Variants in GPC3 observed in about 807,000 individuals in gnomAD.
GPC3 encodes the protein glypican-3.
A neutral mutation model predicts 34.4 loss-of-function variants in GPC3; 3 were observed. The ratio of observed to expected loss-of-function variants is 0.09; its 90% CI spans 0.04 to 0.23. The LOEUF is 0.23. Ranked by LOEUF, GPC3 falls within the 10% of genes least tolerant of loss-of-function variation. GPC3 has a pLI of 1.00. For synonymous variants in GPC3, 177 were observed against 174.0 expected (o/e 1.02, Z -0.13); for missense variants, 351 against 445.6 (o/e 0.79, Z 1.91).
intron 3 of GPC3, among the ~76,000 whole-genome samples, chrX:133,752,238 T>C (rs954468843): frequency 8.9e-6 from 1 of 111,773 alleles, no homozygotes. Context: ...ATTTAGGTGA[T>C]AGATACCCCA....
intron 2 of GPC3, among the ~76,000 whole-genome samples, chrX:133,774,687 C>A (rs963580915): frequency 8.9e-6 from 1 of 111,793 alleles, no homozygotes; most frequent in African/African-American, 3.3e-5. Context: ...TTTATTCTCA[C>A]AATGGCTCTA....
intron 2 of GPC3, among the ~76,000 whole-genome samples, chrX:133,826,141 C>A (rs1204015286): frequency 9.0e-6 from 1 of 111,651 alleles, no homozygotes; most frequent in Non-Finnish European, 1.9e-5. Flanking sequence ...CGCAAAGAAA[C>A]AAGAAATTAT....
chrX:133,641,703 G>A (rs757409711), intron 6 of GPC3, among the ~76,000 whole-genome samples: 19 of 111,636 alleles, frequency 1.7e-4, no homozygotes, highest in Admixed American at 1.0e-3. Flanking sequence ...TTCCTGGACC[G>A]TGGGCATTAG....
At chrX:133,537,252 G>T (rs2069302092) in intron 7 of GPC3, among the ~76,000 whole-genome samples, 1 of 111,768 alleles carries the variant, frequency 8.9e-6, no homozygotes, top group Non-Finnish European at 1.9e-5. Flanking sequence ...AGACTCCGTT[G>T]CCAATGTTGC....
intron 1 of GPC3, among the ~76,000 whole-genome samples, chrX:133,983,245 G>A (rs761903068): frequency 8.9e-6 from 1 of 112,703 alleles, no homozygotes; most frequent in East Asian, 2.8e-4. Flanking sequence ...AGCAGGGAAC[G>A]TTGGGTTTAT....
Position 133,640,786 on chromosome X carries a change from G to A in GPC3, c.1413+20944C>T, listed in dbSNP as rs138417546. Among the ~76,000 whole-genome samples, 75 of 111,781 alleles carry A rather than the reference G, an allele frequency of 6.7e-4. No homozygotes were observed. The East Asian group carries it at 0.019, about 28-fold the overall frequency. Reference sequence around the variant, plus strand: ...TAGAACTATTTCAACCTCTTGTGCCGTCCTATCGCTTTCCAAAGAAAATTG... The same window carrying A: ...TAGAACTATTTCAACCTCTTGTGCCATCCTATCGCTTTCCAAAGAAAATTG... On this transcript the variant is annotated intron_variant, in intron 6 of 7. Transcript: ENST00000370818.
chrX:133,616,469 C>A (rs188010218), intron 6 of GPC3, among the ~76,000 whole-genome samples: 1,689 of 111,337 alleles, frequency 0.015, 31 homozygotes, highest in African/African-American at 0.05. Context: ...AGATTCAATA[C>A]AATTTCTATC....
intron 5 of GPC3, among the ~76,000 whole-genome samples, chrX:133,667,435 T>C (rs2070778859): frequency 8.9e-6 from 1 of 111,853 alleles, no homozygotes; most frequent in African/African-American, 3.2e-5. Context: ...TGTCCTTCCT[T>C]AAAGGTGCTT....
intron 2 of GPC3, among the ~76,000 whole-genome samples, chrX:133,918,911 T>C (rs1408525520): frequency 1.8e-5 from 2 of 111,994 alleles, no homozygotes; most frequent in African/African-American, 3.2e-5. Flanking sequence ...GAGCTGAGAC[T>C]GTGAAGGGCG....
chrX:133,836,715 G>A (rs1270594050), intron 2 of GPC3, among the ~76,000 whole-genome samples: 1 of 111,817 alleles, frequency 8.9e-6, no homozygotes, highest in African/African-American at 3.2e-5. Flanking sequence ...TGCAGAGTAC[G>A]GACTTTCTGT....
intron 3 of GPC3, among the ~76,000 whole-genome samples, chrX:133,721,119 A>T (rs777964254): frequency 4.8e-4 from 53 of 109,558 alleles, no homozygotes; most frequent in Non-Finnish European, 8.1e-4. Context: ...AAAAAAAAAA[A>T]TAGCAAAGTA....
intron 3 of GPC3, among the ~76,000 whole-genome samples, chrX:133,720,355 G>A (rs748257966): frequency 1.8e-5 from 2 of 112,029 alleles, no homozygotes; most frequent in Admixed American, 9.4e-5. Flanking sequence ...GGGCCCTGGT[G>A]GGAGGTAATT....
intron 2 of GPC3, among the ~76,000 whole-genome samples, chrX:133,800,454 C>T (rs2075603383): frequency 8.9e-6 from 1 of 112,151 alleles, no homozygotes; most frequent in African/African-American, 3.2e-5. Flanking sequence ...AATCTGATTT[C>T]ATCTACTCTG....
chrX:133,760,738 C>G (rs2071779593), intron 2 of GPC3, among the ~76,000 whole-genome samples: 2 of 111,250 alleles, frequency 1.8e-5, no homozygotes. Context: ...ATTATAGAAC[C>G]ATGCAATACA....
intron 2 of GPC3, among the ~76,000 whole-genome samples, chrX:133,849,264 A>C (rs1173512563): frequency 9.2e-6 from 1 of 109,242 alleles, no homozygotes; most frequent in Non-Finnish European, 1.9e-5. Context: ...CCGGCTAATG[A>C]ACTAAAGATG....
At chrX:133,734,521 T>C (rs1296391607) in intron 3 of GPC3, among the ~76,000 whole-genome samples, 2 of 106,662 alleles carry the variant, frequency 1.9e-5, no homozygotes, top group African/African-American at 6.9e-5. Context: ...TTTGACATTG[T>C]ACTGGAGGTT....
chrX:133,973,754 G>C (rs1242510261), intron 1 of GPC3, among the ~76,000 whole-genome samples: 1 of 112,194 alleles, frequency 8.9e-6, no homozygotes. Flanking sequence ...CCAGCCATCA[G>C]GGCCAAGTCT....
At chrX:133,541,213 T>C in intron 7 of GPC3, among the ~76,000 whole-genome samples, 1 of 2,192 alleles carries the variant, frequency 4.6e-4, no homozygotes, top group South Asian at 0.04. Context: ...CCTGTGGGAA[T>C]AGTATCTGGG....
intron 2 of GPC3, among the ~76,000 whole-genome samples, chrX:133,827,944 C>CAAAAAAAA (rs760699432): frequency 2.8e-5 from 1 of 36,031 alleles, no homozygotes; most frequent in East Asian, 1.0e-3. Flanking sequence ...AACTCCATCC[C>CAAAAAAAA]AAAAAAAAAA....
Sources: gnomAD v4.1 joint callset for allele counts (sites outside exome capture counted in the v4.1 genomes callset) on GRCh38, gnomAD v4.1.1 for gene constraint, MANE v1.5 for transcripts, NCBI Gene and HGNC (gene_info 2026-07-23, HGNC 2026-07-21) for gene names.